The following SMARCD3 variants were observed in gnomAD, a reference collection of about 807,000 sequenced individuals.
The protein encoded by SMARCD3 is SWI/SNF-related matrix-associated actin-dependent regulator of chromatin subfamily D member 3.
SMARCD3 carries 14 observed loss-of-function variants against 58.0 expected under a neutral mutation model. That is an observed-to-expected ratio of 0.24 (90% CI 0.16 to 0.38). The LOEUF (loss-of-function observed/expected upper bound fraction) is 0.38, where lower values mean the gene tolerates loss of function less well. Ranked by LOEUF, SMARCD3 falls within the 10% of genes least tolerant of loss-of-function variation. SMARCD3 has a pLI of 1.00. For missense variants in SMARCD3, 408 were observed against 636.9 expected, an observed-to-expected ratio of 0.64 and a Z score of 3.87; for synonymous variants, 253 against 253.8, an observed-to-expected ratio of 1.00 and a Z score of 0.03.
rs1803119716 is a variant in SMARCD3 at position 151,243,729 on chromosome 7, G to A, written c.291-28C>T. On this transcript the variant is annotated intron_variant, in intron 2 of 12. Coordinates refer to ENST00000262188, the MANE Select transcript of SMARCD3 (RefSeq NM_001003801.2). This position sits in a 1 kb window ranked among gnomAD's most constrained non-coding sequence, Gnocchi z 4.4. ...GTACATTTTTTAAAGAAAAAACCAG[G>A]TTACCATGGCGACAGATCTGGGCGT... is the stretch of plus-strand genomic sequence containing the variant. 4.5e-6 allele frequency: 7 copies of A among 1,567,504 alleles called. No homozygotes were observed. Among genetic ancestry groups the A allele is most frequent in the Non-Finnish European group, 6.2e-6 (7 of 1,137,628 alleles).
chr7:151,272,818 G>T (rs1272553921), intron 2 of SMARCD3, among the ~76,000 whole-genome samples: 2 of 152,190 alleles, frequency 1.3e-5, no homozygotes, highest in East Asian at 3.9e-4. Context: ...CCTCAGCCAA[G>T]TACCCGTCAG....
Position 151,245,455 on chromosome 7 carries a change from C to G in SMARCD3, c.290+5G>C. 8.3e-7 allele frequency: 1 copy of G among 1,205,024 alleles called. No individual in the cohort carries two copies. Among genetic ancestry groups the G allele is most frequent in the Non-Finnish European group, 1.0e-6 (1 of 965,036 alleles). The allele number at this position is 1,205,024 out of a possible 1,614,324, so 74.6% of individuals were successfully genotyped here. A position where few individuals can be genotyped will look rare whatever the true frequency, so the allele number is the denominator to read the frequency against. ...CGCCCCCTCCTCGCCGGGCCTCCCA[C>G]TCACCTGCGGCTCCGCGCGGGGGCG... is the stretch of plus-strand genomic sequence containing the variant. On this transcript the variant is annotated splice_donor_5th_base_variant and intron_variant, in intron 2 of 12. Transcript: ENST00000262188. This position sits in a 1 kb window ranked among gnomAD's most constrained non-coding sequence, Gnocchi z 6.2.
chr7:151,252,879 G>A (rs1303997798), upstream of SMARCD3, among the ~76,000 whole-genome samples: 4 of 152,322 alleles, frequency 2.6e-5, no homozygotes, highest in East Asian at 7.7e-4. Flanking sequence ...CAAGGGGGCT[G>A]TCTCTCTGTG....
chr7:151,248,720 C>T, upstream of SMARCD3: 1 of 1,228,078 alleles, frequency 8.1e-7, no homozygotes, highest in Non-Finnish European at 1.0e-6. This position sits in a 1 kb window ranked among gnomAD's most constrained non-coding sequence, Gnocchi z 6.1. Flanking sequence ...TCAGGGCTGC[C>T]CTGACGGCCC....
In SMARCD3 at chr7:151,239,337, A is replaced by G. The variant is rs1802829612; in HGVS notation, c.1398+59T>C. 6.9e-7 allele frequency: 1 copy of G among 1,446,742 alleles called. No individual in the cohort carries two copies. The highest frequency in any genetic ancestry group is 2.3e-5 in the East Asian group (1 of 43,798). 89.6% of individuals were successfully genotyped at this position (1,446,742 alleles called of 1,614,324 possible). On this transcript the variant is annotated intron_variant, in intron 12 of 12. Coordinates refer to ENST00000262188, the MANE Select transcript of SMARCD3 (RefSeq NM_001003801.2). This position sits in a 1 kb window ranked among gnomAD's most constrained non-coding sequence, Gnocchi z 7.0. ...TGCGAGGGCTGCCCACAAGCTGAAC[A>G]GGGAGGTTTCTCTTGGAGTTGAGGA...
At chr7:151,250,723 G>A (rs983909205), upstream of SMARCD3, among the ~76,000 whole-genome samples, 1 of 152,024 alleles carries the variant, frequency 6.6e-6, no homozygotes, top group Non-Finnish European at 1.5e-5. Context: ...TGTGCTTCAA[G>A]GACATTAGCT....
rs11976682 is a variant in SMARCD3, at chr7:151,275,054, C to T, written c.39+60G>A. ...GTGGGAGCAGGAGCCGAGGGCTGGC[C>T]GACTCGCCATGGGGCCCCAGAGCTT... is the stretch of plus-strand genomic sequence containing the variant. On this transcript the variant is annotated intron_variant, in intron 2 of 13. Transcript: ENST00000356800. The T allele has an allele frequency of 2.6e-3, 3,697 of 1,431,072 alleles. 75 individuals are homozygous for T. In the African/African-American group the frequency reaches 0.044, roughly 17 times the overall value. The allele number at this position is 1,431,072 out of a possible 1,614,324, so 88.6% of individuals were successfully genotyped here.
At position 151,239,987 on chromosome 7, in the gene SMARCD3, T is replaced by C; in HGVS notation, c.1173+125A>G. The C allele has an allele frequency of 9.9e-7, 1 of 1,014,102 alleles. No individual in the cohort carries two copies. The highest frequency in any genetic ancestry group is 1.4e-6 in the Non-Finnish European group (1 of 715,400). The allele number at this position is 1,014,102 out of a possible 1,614,324, so 62.8% of individuals were successfully genotyped here. Reference sequence around the variant, plus strand: ...TGTCCCATTGGCCCAGAGTCTGGTCTCTTTTTTTTTTTTTTTTTTAATTTA... The same window carrying C: ...TGTCCCATTGGCCCAGAGTCTGGTCCCTTTTTTTTTTTTTTTTTTAATTTA... On this transcript the variant is annotated intron_variant, in intron 10 of 12. Coordinates refer to ENST00000262188, the MANE Select transcript of SMARCD3 (RefSeq NM_001003801.2). This position sits in a 1 kb window ranked among gnomAD's most constrained non-coding sequence, Gnocchi z 7.0.
At position 151,242,717 on chromosome 7, in the gene SMARCD3, G is replaced by A. The variant is rs547891214; in HGVS notation, c.456+4C>T. On this transcript the variant is annotated splice_donor_region_variant and intron_variant, in intron 4 of 12. Transcript: ENST00000262188. This position sits in a 1 kb window ranked among gnomAD's most constrained non-coding sequence, Gnocchi z 4.7. The stretch of plus-strand genomic sequence containing the variant: ...GTCCCCTTCCTACCCCCGAACTAAG[G>A]CACCTTCATGGGCCTCTTCAGAGCC... The A allele has an allele frequency of 6.2e-7, 1 of 1,613,990 alleles. No homozygotes were observed. The highest frequency in any genetic ancestry group is 8.5e-7 in the Non-Finnish European group (1 of 1,179,968).
chr7:151,272,345 T>C (rs1018649957), intron 2 of SMARCD3, among the ~76,000 whole-genome samples: 1 of 152,194 alleles, frequency 6.6e-6, no homozygotes, highest in Admixed American at 6.5e-5. Flanking sequence ...ACACCATGTT[T>C]TCTCTACTCT....
chr7:151,260,835 G>A (rs748531921), intron 2 of SMARCD3, among the ~76,000 whole-genome samples: 119 of 152,194 alleles, frequency 7.8e-4, no homozygotes, highest in Non-Finnish European at 1.3e-3. Context: ...TAGGCTGAGT[G>A]GACCACCAAT....
intron 2 of SMARCD3, among the ~76,000 whole-genome samples, chr7:151,269,732 G>A (rs903490884): frequency 6.6e-6 from 1 of 152,204 alleles, no homozygotes; most frequent in Non-Finnish European, 1.5e-5. Context: ...CTGGAGCAGG[G>A]ACAGCGCTCA....
chr7:151,270,568 G>A (rs868818032), intron 2 of SMARCD3, among the ~76,000 whole-genome samples: 4 of 152,194 alleles, frequency 2.6e-5, no homozygotes, highest in Admixed American at 6.5e-5. Context: ...CGCCCAAGCC[G>A]GGTGGGAGAA....
rs1489382572 is a variant in SMARCD3, at chr7:151,239,679, C to T, written c.1241G>A (p.Arg414Lys). Residue 414 changes from arginine to lysine, a missense_variant, in exon 11 of 13, where the codon AGA (arginine) becomes AAA (lysine). Arg to Lys is a conservative substitution (Grantham distance 26, BLOSUM62 2). This residue lies in a region of SMARCD3 where 81 missense variants were observed against 109.7 expected (regional missense o/e 0.74). Coordinates refer to ENST00000262188, the MANE Select transcript of SMARCD3 (RefSeq NM_001003801.2). This position sits in a 1 kb window ranked among gnomAD's most constrained non-coding sequence, Gnocchi z 7.0. ...IQRDFMLSFS[R>K]DPKGYVQDLL... is the part of the protein sequence containing the mutation. ...GTCTTGGACATAGCCTTTGGGGTCT[C>T]TGGAGAAGCTTAGCATGAAGTCCCT... The T allele has an allele frequency of 1.2e-6, 2 of 1,614,092 alleles. No homozygotes were observed. The highest frequency in any genetic ancestry group is 1.1e-5 in the South Asian group (1 of 91,086).
rs568531520 is a variant in SMARCD3, at chr7:151,241,509, C to T, written c.922G>A (p.Asp308Asn). The change falls in exon 8 of 13, where the codon GAC (aspartate) becomes AAC (asparagine). Residue 308 changes from aspartate (D) to asparagine (N), a missense_variant. Transcript: ENST00000262188. The surrounding 1 kb of genome is among the most constrained non-coding windows in gnomAD (Gnocchi z 5.3). ...GAGGTTACCTGCTGGAAATACTTGT[C>T]CCCATTGATGTATTCCTTGTCATGG... ...DSHDKEYINGDKYFQQIFDCP... is the reference protein window; with the variant it reads ...DSHDKEYINGNKYFQQIFDCP... 2 of 1,612,306 alleles carry T rather than the reference C, an allele frequency of 1.2e-6. No homozygotes were observed. Among genetic ancestry groups the T allele is most frequent in the East Asian group, 2.2e-5 (1 of 44,860 alleles).
intron 1 of SMARCD3, chr7:151,275,311 G>T (rs1214171258): frequency 3.0e-6 from 2 of 673,476 alleles, no homozygotes; most frequent in Admixed American, 4.7e-5. Context: ...TCGGGAAGCT[G>T]CGAAGAAGCC....
At chr7:151,265,632 C>T (rs1054285786) in intron 2 of SMARCD3, among the ~76,000 whole-genome samples, 9 of 152,334 alleles carry the variant, frequency 5.9e-5, no homozygotes, top group African/African-American at 2.2e-4. Context: ...AGCAAGGCCT[C>T]CAAGCAGGGT....
rs2150591659 is a variant in SMARCD3, at chr7:151,242,081, G to A, written c.675+56C>T. ...ACCCAAATCTGTGCTGGTTCTTCAGGGATTCTGGCCTGTGGGAGGGTGGCA... is the reference window on the plus strand; with the variant it reads ...ACCCAAATCTGTGCTGGTTCTTCAGAGATTCTGGCCTGTGGGAGGGTGGCA... On this transcript the variant is annotated intron_variant, in intron 6 of 12. Coordinates refer to ENST00000262188, the MANE Select transcript of SMARCD3 (RefSeq NM_001003801.2). The surrounding 1 kb of genome is among the most constrained non-coding windows in gnomAD (Gnocchi z 4.7). The A allele has an allele frequency of 2.6e-6, 4 of 1,546,638 alleles. No individual in the cohort carries two copies. In the South Asian group the frequency reaches 3.3e-5, roughly 13 times the overall value.
intron 2 of SMARCD3, among the ~76,000 whole-genome samples, chr7:151,272,444 T>A (rs1156808546): frequency 2.0e-5 from 3 of 152,158 alleles, no homozygotes; most frequent in Non-Finnish European, 2.9e-5. Flanking sequence ...AACACCTCCC[T>A]GTGTCTTCCT....
Sources: allele counts gnomAD v4.1 joint callset (sites outside exome capture counted in the v4.1 genomes callset), GRCh38; gene constraint gnomAD v4.1.1; regional missense constraint gnomAD v4.1.1; non-coding constraint Gnocchi (gnomAD v3.1); transcripts MANE v1.5; gene names NCBI Gene and HGNC (gene_info 2026-07-23, HGNC 2026-07-21).